The following BPIFC variants were observed in gnomAD, a reference collection of about 807,000 sequenced individuals.
The protein encoded by BPIFC is BPI fold containing family C.
In BPIFC, 60 loss-of-function variants were observed where a neutral mutation model predicts 57.6. The observed-to-expected ratio is 1.04, with a 90% CI of 0.85 to 1.29. The LOEUF is 1.29. Ranked by LOEUF, BPIFC falls within the 50% of genes most tolerant of loss-of-function variation. The probability of loss-of-function intolerance (pLI) is 0.00; values close to 1 mark genes in which losing one functional copy is unlikely to be tolerated. For missense variants in BPIFC, 581 were observed against 600.5 expected, an observed-to-expected ratio of 0.97 and a Z score of 0.34; for synonymous variants, 243 against 224.5, an observed-to-expected ratio of 1.08 and a Z score of -0.74.
chr22:32,447,217 T>G lies in BPIFC; in HGVS notation c.369A>C (p.Pro123=). The G allele has an allele frequency of 6.3e-7, 1 of 1,599,712 alleles. No individual in the cohort carries two copies. The highest frequency in any genetic ancestry group is 8.5e-7 in the Non-Finnish European group (1 of 1,173,606). Reference sequence around the variant, plus strand: ...CATTTCAGTGGAATACTCACAAAAGTGGAGACTCGAACCCCCAGTCTGTGC... The same window carrying G: ...CATTTCAGTGGAATACTCACAAAAGGGGAGACTCGAACCCCCAGTCTGTGC... ...NISTDWGFES[P]LFQDTGGADL... Residue 123 remains proline (P), a synonymous_variant, in exon 5 of 17, where the codon CCA becomes CCC. Transcript: ENST00000300399.
At chr22:32,416,533 G>A (rs1933683950) in intron 15 of BPIFC, among the ~76,000 whole-genome samples, 1 of 152,200 alleles carries the variant, frequency 6.6e-6, no homozygotes, top group African/African-American at 2.4e-5. Flanking sequence ...TTGGACAGTA[G>A]AGAAATGCTG....
At chr22:32,456,122 G>A (rs539981916) in intron 3 of BPIFC, among the ~76,000 whole-genome samples, 33 of 152,360 alleles carry the variant, frequency 2.2e-4, no homozygotes, top group Admixed American at 2.0e-3. Context: ...CTCTGCTCCA[G>A]AAGGTGAAGA....
rs762548786 is a variant in BPIFC, at chr22:32,435,915, G to C, written c.748-35C>G. Reference sequence around the variant, plus strand: ...AAGAGAGAGAAAGACCAGTGTATCAGGTGAAAACTCAAATTCTAAGAAGAC... The same window carrying C: ...AAGAGAGAGAAAGACCAGTGTATCACGTGAAAACTCAAATTCTAAGAAGAC... On this transcript the variant is annotated intron_variant, in intron 9 of 16. Coordinates refer to ENST00000300399, the MANE Select transcript of BPIFC (RefSeq NM_174932.3). 3.8e-6 allele frequency: 6 copies of C among 1,578,710 alleles called. No homozygotes were observed. In the African/African-American group the frequency reaches 8.2e-5, roughly 22 times the overall value.
At chr22:32,444,355 T>G (rs1338337177) in intron 7 of BPIFC, among the ~76,000 whole-genome samples, 1 of 152,156 alleles carries the variant, frequency 6.6e-6, no homozygotes, top group Non-Finnish European at 1.5e-5. Context: ...GATGAGCTGC[T>G]TGATGCTTCT....
chr22:32,448,493 T>G (rs919614913), intron 4 of BPIFC, among the ~76,000 whole-genome samples: 1 of 152,168 alleles, frequency 6.6e-6, no homozygotes, highest in African/African-American at 2.4e-5. Flanking sequence ...TCCTCCTATT[T>G]CCAAATGTCC....
intron 7 of BPIFC, among the ~76,000 whole-genome samples, chr22:32,445,406 G>A (rs561727986): frequency 2.0e-5 from 3 of 152,012 alleles, no homozygotes; most frequent in South Asian, 2.1e-4. Context: ...GCATGGTGGC[G>A]GGCACCTGTA....
chr22:32,435,790 T>C lies in BPIFC; in HGVS notation c.838A>G (p.Ile280Val), dbSNP rs768696330. The C allele has an allele frequency of 1.9e-6, 3 of 1,614,130 alleles. No individual in the cohort carries two copies. The highest frequency in any genetic ancestry group is 2.2e-5 in the East Asian group (1 of 44,878). Residue 280 changes from isoleucine (I) to valine (V), a missense_variant, in exon 10 of 17, where the codon ATT (isoleucine) becomes GTT (valine). By Grantham distance (29) the Ile-to-Val change is conservative. Coordinates refer to ENST00000300399, the MANE Select transcript of BPIFC (RefSeq NM_174932.3). ...TTAAAGAAATACTCGGCGATTCCAA[T>C]GTAGAGCATGGAGTTGCTGCGTTCT... Reference protein sequence around the residue: ...LPERSNSMLYIGIAEYFFKSA... With the variant: ...LPERSNSMLYVGIAEYFFKSA...
chr22:32,440,263 T>C (rs564306134), intron 8 of BPIFC, among the ~76,000 whole-genome samples: 3 of 152,164 alleles, frequency 2.0e-5, no homozygotes, highest in Admixed American at 2.0e-4. Flanking sequence ...AGCCTCCCTG[T>C]AGCTGGGACT....
chr22:32,425,432 C>CA (rs1439506024), intron 13 of BPIFC, among the ~76,000 whole-genome samples: 1 of 151,878 alleles, frequency 6.6e-6, no homozygotes, highest in Non-Finnish European at 1.5e-5. Context: ...ATGAATTATA[C>CA]AAAAAAGGAC....
intron 13 of BPIFC, among the ~76,000 whole-genome samples, chr22:32,423,551 T>C (rs1050221813): frequency 6.8e-6 from 1 of 148,072 alleles, no homozygotes; most frequent in Non-Finnish European, 1.5e-5. Context: ...TCTCGCTATG[T>C]TGCTTGGGAG....
chr22:32,429,505 C>CTTTTTT (rs1934169835), intron 13 of BPIFC, among the ~76,000 whole-genome samples: 2 of 101,496 alleles, frequency 2.0e-5, no homozygotes, highest in African/African-American at 3.8e-5. Flanking sequence ...GGCAACTGGC[C>CTTTTTT]TTTGTTTTTT....
At chr22:32,435,621 G>C (rs1453919412) in intron 10 of BPIFC, 83 bp downstream of exon 10, 5 of 1,420,086 alleles carry the variant, frequency 3.5e-6, no homozygotes, top group Non-Finnish European at 4.8e-6. Context: ...AATCGAAATT[G>C]TGGCATAAAA....
chr22:32,432,176 C>T (rs748814281), intron 12 of BPIFC, among the ~76,000 whole-genome samples, 197 bp downstream of exon 12: 1 of 151,914 alleles, frequency 6.6e-6, no homozygotes, highest in Non-Finnish European at 1.5e-5. Flanking sequence ...TAACTCCTGG[C>T]CTCAAGCAAT....
At chr22:32,423,577 G>GGGGTGTGT (rs1556036074) in intron 13 of BPIFC, among the ~76,000 whole-genome samples, 1,651 of 143,252 alleles carry the variant, frequency 0.012, 32 homozygotes, top group African/African-American at 0.036. Flanking sequence ...GTAGGGTGTG[G>GGGGTGTGT]GTGTGTGTGT....
At chr22:32,445,214 T>C (rs546637944) in intron 7 of BPIFC, among the ~76,000 whole-genome samples, 32 of 152,334 alleles carry the variant, frequency 2.1e-4, no homozygotes, top group African/African-American at 7.2e-4. Context: ...ACACAGTAGA[T>C]GCTCAATAAA....
chr22:32,429,536 T>TTTTTA, intron 13 of BPIFC, among the ~76,000 whole-genome samples: 1 of 125,368 alleles, frequency 8.0e-6, no homozygotes, highest in East Asian at 2.4e-4. Context: ...TTTTTTTTTT[T>TTTTTA]CATGAAGTCC....
chr22:32,447,618 T>C (rs1241129721), intron 4 of BPIFC, among the ~76,000 whole-genome samples: 1 of 151,418 alleles, frequency 6.6e-6, no homozygotes, highest in Non-Finnish European at 1.5e-5. Flanking sequence ...TTTTTTTTTT[T>C]TTTTTTGAGA....
intron 4 of BPIFC, 84 bp downstream of exon 4, chr22:32,453,299 T>G: frequency 1.0e-6 from 1 of 986,428 alleles, no homozygotes; most frequent in Non-Finnish European, 1.4e-6. Context: ...TGGATTCTGA[T>G]GAAATCGTGG....
chr22:32,425,736 C>T (rs1934049857), intron 13 of BPIFC, among the ~76,000 whole-genome samples: 1 of 152,054 alleles, frequency 6.6e-6, no homozygotes, highest in African/African-American at 2.4e-5. Context: ...GAACAGTGCA[C>T]AATAATGGTC....
Sources: allele counts gnomAD v4.1 joint callset (sites outside exome capture counted in the v4.1 genomes callset), GRCh38; gene constraint gnomAD v4.1.1; transcripts MANE v1.5; gene names NCBI Gene and HGNC (gene_info 2026-07-23, HGNC 2026-07-21).